The following SEPTIN10 variants were observed in gnomAD, a reference collection of about 807,000 sequenced individuals.
SEPTIN10 encodes septin-10.
In SEPTIN10, 66 loss-of-function variants were observed where a neutral mutation model predicts 54.8. The ratio of observed to expected loss-of-function variants is 1.21; its 90% CI spans 0.99 to 1.48. The LOEUF is 1.48. Among genes scored for constraint, SEPTIN10 ranks in the 40% most tolerant of loss-of-function variants. SEPTIN10 has a pLI of 0.00. For synonymous variants in SEPTIN10, 161 were observed against 181.0 expected (o/e 0.89, Z 0.89); for missense variants, 620 against 545.6 (o/e 1.14, Z -1.36).
At chr2:109,557,179 A>T (rs1176574611) in intron 8 of SEPTIN10, among the ~76,000 whole-genome samples, 9 of 152,130 alleles carry the variant, frequency 5.9e-5, no homozygotes, top group East Asian at 5.8e-4. Context: ...ATAAAAAAAA[A>T]TTTAAAAAAA....
In SEPTIN10 at chr2:109,544,338, G is replaced by T; in HGVS notation, c.1350-14C>A. ...AAAAAATTGGAGCTGGAAAGAAAAA[G>T]AACCTTTTGATTGGTACAATTTAAA... On this transcript the variant is annotated splice_polypyrimidine_tract_variant and intron_variant, in intron 10 of 10. Coordinates refer to ENST00000397712, the MANE Select transcript of SEPTIN10 (RefSeq NM_144710.5). The T allele has an allele frequency of 1.3e-6, 2 of 1,582,406 alleles. No homozygotes were observed. The highest frequency in any genetic ancestry group is 1.7e-6 in the Non-Finnish European group (2 of 1,171,314).
intron 1 of SEPTIN10, among the ~76,000 whole-genome samples, chr2:109,610,683 T>A (rs1357719450): frequency 2.6e-5 from 4 of 151,574 alleles, no homozygotes; most frequent in Non-Finnish European, 5.9e-5. Flanking sequence ...GCTATTGAAC[T>A]CCAGCCTGGG....
At chr2:109,551,905 C>T (rs1392574939) in intron 9 of SEPTIN10, among the ~76,000 whole-genome samples, 1 of 152,102 alleles carries the variant, frequency 6.6e-6, no homozygotes, top group Admixed American at 6.5e-5. Context: ...TTTTTTGGTG[C>T]CAGGGCTACC....
Position 109,574,782 on chromosome 2 carries a change from A to G in SEPTIN10, c.414-15T>C, listed in dbSNP as rs770649232. 1.2e-5 allele frequency: 18 copies of G among 1,553,796 alleles called. No individual in the cohort carries two copies. Among genetic ancestry groups the G allele is most frequent in the Non-Finnish European group, 1.5e-5 (17 of 1,149,748 alleles). On this transcript the variant is annotated splice_polypyrimidine_tract_variant and intron_variant, in intron 4 of 10. Coordinates refer to ENST00000397712, the MANE Select transcript of SEPTIN10 (RefSeq NM_144710.5). ...TTGGTTGGTAGCTGAAAAATTATTT[A>G]AATGTTTAATACAACATTATTTGTG...
intron 2 of SEPTIN10, among the ~76,000 whole-genome samples, chr2:109,586,749 A>G (rs1692642383): frequency 6.6e-6 from 1 of 152,158 alleles, no homozygotes; most frequent in Non-Finnish European, 1.5e-5. Context: ...GTCTCCTGTA[A>G]ACACCCTAGG....
chr2:109,562,373 C>G (rs1685883243), intron 8 of SEPTIN10, among the ~76,000 whole-genome samples: 1 of 151,908 alleles, frequency 6.6e-6, no homozygotes, highest in Non-Finnish European at 1.5e-5. Flanking sequence ...TCCACCTGCC[C>G]CCCTCCCCCA....
In SEPTIN10 at chr2:109,601,961, C is replaced by T. The variant is rs184340505; in HGVS notation, c.31-8842G>A. Among the ~76,000 whole-genome samples the T allele has an allele frequency of 1.9e-4, 29 of 152,146 alleles. No individual in the cohort carries two copies. The East Asian group carries it at 3.9e-3, about 20-fold the overall frequency. On this transcript the variant is annotated intron_variant, in intron 1 of 10. Coordinates refer to ENST00000397712, the MANE Select transcript of SEPTIN10 (RefSeq NM_144710.5). ...GTCCGTCATATGGAAATGCGCTTCC[C>T]GAGGGAAAAACCAGGACCCATGAAT... is the stretch of plus-strand genomic sequence containing the variant.
At chr2:109,544,469 T>G (rs979801798) in intron 10 of SEPTIN10, 145 bp from the exon 11 acceptor site, 1 of 1,377,328 alleles carries the variant, frequency 7.3e-7, no homozygotes, top group African/African-American at 1.5e-5. Context: ...CAAACCATAT[T>G]TTCTTGAAGA....
chr2:109,567,150 A>T (rs141201224), intron 6 of SEPTIN10, among the ~76,000 whole-genome samples: 1,527 of 152,290 alleles, frequency 0.01, 13 homozygotes, highest in Non-Finnish European at 0.017. Context: ...GACATCATTT[A>T]TCCCTCACAA....
At chr2:109,575,221 G>C (rs1168865568) in intron 4 of SEPTIN10, among the ~76,000 whole-genome samples, 1 of 152,100 alleles carries the variant, frequency 6.6e-6, no homozygotes, top group Admixed American at 6.6e-5. Context: ...CTGCTCGAAG[G>C]GGCTGGCAGC....
intron 10 of SEPTIN10, chr2:109,545,207 A>G: frequency 1.0e-6 from 1 of 985,426 alleles, no homozygotes; most frequent in Non-Finnish European, 1.2e-6. Flanking sequence ...GAGTCCCCCA[A>G]ATGAGCATTC....
intron 1 of SEPTIN10, among the ~76,000 whole-genome samples, chr2:109,610,857 T>C (rs999472782): frequency 1.3e-5 from 2 of 152,184 alleles, no homozygotes; most frequent in African/African-American, 4.8e-5. Flanking sequence ...TTTGTAAATA[T>C]AGATAAGACG....
chr2:109,596,258 G>C (rs1049912593), intron 1 of SEPTIN10, among the ~76,000 whole-genome samples: 1 of 152,104 alleles, frequency 6.6e-6, no homozygotes, highest in African/African-American at 2.4e-5. Flanking sequence ...TATAATGATA[G>C]CATATCATGA....
chr2:109,567,499 G>C (rs1343532957), intron 6 of SEPTIN10, among the ~76,000 whole-genome samples: 1 of 152,130 alleles, frequency 6.6e-6, no homozygotes, highest in Non-Finnish European at 1.5e-5. Flanking sequence ...TGTTTATAAA[G>C]ACAGGGTAGG....
At chr2:109,570,083 A>G (rs1688007174) in intron 5 of SEPTIN10, among the ~76,000 whole-genome samples, 2 of 152,170 alleles carry the variant, frequency 1.3e-5, no homozygotes, top group Non-Finnish European at 2.9e-5. Flanking sequence ...TAATTTCAGC[A>G]TATCCTAGTT....
At chr2:109,588,337 G>GT (rs781371259) in intron 2 of SEPTIN10, among the ~76,000 whole-genome samples, 21 of 151,934 alleles carry the variant, frequency 1.4e-4, no homozygotes, top group Admixed American at 1.1e-3. Flanking sequence ...TGTAAGAGAG[G>GT]TTTTTTTTAA....
chr2:109,567,143 A>G (rs1018777251), intron 6 of SEPTIN10, among the ~76,000 whole-genome samples: 6 of 152,204 alleles, frequency 3.9e-5, no homozygotes, highest in African/African-American at 1.4e-4. Flanking sequence ...CAAAGGTGAC[A>G]TCATTTATCC....
In SEPTIN10 at chr2:109,613,937, A is replaced by G; in HGVS notation, c.-110T>C. ...GGGCAGAAGCAACGGGCGGGGCGCG[A>G]GGCTAGGCTGCCTCCGCGACGGGGA... On this transcript the variant is annotated 5_prime_UTR_variant, in exon 1 of 11. Coordinates refer to ENST00000397712, the MANE Select transcript of SEPTIN10 (RefSeq NM_144710.5). The G allele has an allele frequency of 1.7e-6, 2 of 1,147,180 alleles. No individual in the cohort carries two copies. Among genetic ancestry groups the G allele is most frequent in the Non-Finnish European group, 2.1e-6 (2 of 932,950 alleles). 71.1% of individuals were successfully genotyped at this position (1,147,180 alleles called of 1,614,324 possible).
At chr2:109,570,880 A>G (rs967479935) in intron 5 of SEPTIN10, among the ~76,000 whole-genome samples, 5 of 152,194 alleles carry the variant, frequency 3.3e-5, no homozygotes, top group African/African-American at 7.2e-5. Context: ...CAAGGATACA[A>G]GTAGGTTATA....
Sources: allele counts gnomAD v4.1 joint callset (sites outside exome capture counted in the v4.1 genomes callset), GRCh38; gene constraint gnomAD v4.1.1; transcripts MANE v1.5; gene names NCBI Gene and HGNC (gene_info 2026-07-23, HGNC 2026-07-21).